The following RACK1 variants were observed in gnomAD, a reference collection of about 807,000 sequenced individuals.
The protein encoded by RACK1 is small ribosomal subunit protein RACK1.
In RACK1, 3 loss-of-function variants were observed where a neutral mutation model predicts 42.2. That is an observed-to-expected ratio of 0.07 (90% CI 0.03 to 0.18). The LOEUF (loss-of-function observed/expected upper bound fraction) is 0.18, where lower values mean the gene tolerates loss of function less well. Ranked by LOEUF, RACK1 falls within the 10% of genes least tolerant of loss-of-function variation. The probability of loss-of-function intolerance (pLI) is 1.00; values close to 1 mark genes in which losing one functional copy is unlikely to be tolerated. For missense variants in RACK1, 146 were observed against 403.2 expected (o/e 0.36, Z 5.46); for synonymous variants, 181 against 154.8 (o/e 1.17, Z -1.25).
At position 181,236,982 on chromosome 5, in the gene RACK1, G is replaced by T. The variant is rs759561448; in HGVS notation, c.949C>A (p.Arg317Ser). 6.2e-7 allele frequency: 1 copy of T among 1,612,888 alleles called. No homozygotes were observed. The highest frequency in any genetic ancestry group is 8.5e-7 in the Non-Finnish European group (1 of 1,179,686). Residue 317 changes from arginine (R) to serine (S), a missense_variant, in exon 8 of 8, where the codon CGC (arginine) becomes AGC (serine). Coordinates refer to ENST00000512805, the MANE Select transcript of RACK1 (RefSeq NM_006098.5). ...VRVWQVTIGT[R>S] ...TAAAGCTCTGCCATAAACTTCTAGCGTGTGCCAATGGTCACCTGCCACACT... is the reference window on the plus strand; with the variant it reads ...TAAAGCTCTGCCATAAACTTCTAGCTTGTGCCAATGGTCACCTGCCACACT...
chr5:181,242,293 A>G lies in RACK1; in HGVS notation c.162T>C (p.Ile54=). Residue 54 remains isoleucine (I), a synonymous_variant, in exon 2 of 8, where the codon ATT becomes ATC. Coordinates refer to ENST00000512805, the MANE Select transcript of RACK1 (RefSeq NM_006098.5). ...KLTRDETNYG[I]PQRALRGHSH... ...AGTGACCCCGCAGAGCACGCTGTGG[A>G]ATTCCATAGTTGGTCTCATCCCTGG... 1 of 1,613,996 alleles carries G rather than the reference A, an allele frequency of 6.2e-7. No individual in the cohort carries two copies. Among genetic ancestry groups the G allele is most frequent in the Non-Finnish European group, 8.5e-7 (1 of 1,179,832 alleles).
chr5:181,239,675 C>G, intron 3 of RACK1, 93 bp from the exon 4 acceptor site: 1 of 747,418 alleles, frequency 1.3e-6, no homozygotes, highest in East Asian at 2.5e-5. Context: ...TGATGGCTGG[C>G]AGCACCTTTC....
At chr5:181,237,194 T>C in intron 7 of RACK1, 152 bp from the exon 8 acceptor site, 1 of 1,419,926 alleles carries the variant, frequency 7.0e-7, no homozygotes, top group Non-Finnish European at 9.7e-7. Context: ...ACTACAGCCT[T>C]AAGCCCCTGC....
intron 7 of RACK1, 183 bp from the exon 8 acceptor site, chr5:181,237,225 C>A: frequency 8.4e-7 from 1 of 1,195,456 alleles, no homozygotes; most frequent in Non-Finnish European, 1.2e-6. Context: ...ATCCTCCCAC[C>A]TCAGCCTCCA....
intron 7 of RACK1, 74 bp downstream of exon 7, chr5:181,237,535 C>A: frequency 1.2e-6 from 1 of 840,112 alleles, no homozygotes; most frequent in Non-Finnish European, 2.1e-6. Context: ...GTCTGACAGA[C>A]TAGATATACT....
chr5:181,238,052 G>A (rs760261932), intron 6 of RACK1, 47 bp downstream of exon 6: 12 of 1,602,698 alleles, frequency 7.5e-6, no homozygotes, highest in Non-Finnish European at 9.4e-6. Context: ...ACATTGCCAG[G>A]GCTCAGAGTG....
intron 7 of RACK1, 127 bp from the exon 8 acceptor site, chr5:181,237,169 G>A (rs1005985471): frequency 6.6e-6 from 10 of 1,525,218 alleles, no homozygotes; most frequent in Non-Finnish European, 8.0e-6. Context: ...GAGTGCAGGG[G>A]TGCGATCCTG....
intron 1 of RACK1, chr5:181,243,201 G>A (rs1245695968): frequency 1.7e-6 from 2 of 1,143,890 alleles, no homozygotes; most frequent in Non-Finnish European, 2.3e-6. Flanking sequence ...ACGCAGTCAG[G>A]AACACAGGGA....
chr5:181,243,387 C>T (rs1300701933), intron 1 of RACK1: 9 of 1,424,382 alleles, frequency 6.3e-6, no homozygotes, highest in African/African-American at 1.4e-5. Flanking sequence ...CCCGCCCGGC[C>T]CGTAGGCCCC....
chr5:181,238,288 T>C, intron 5 of RACK1, 49 bp from the exon 6 acceptor site: 1 of 1,583,892 alleles, frequency 6.3e-7, no homozygotes, highest in Non-Finnish European at 8.7e-7. Flanking sequence ...TTCCAGATGT[T>C]AATTCTGCCC....
chr5:181,238,031 T>C (rs1191719481), intron 6 of RACK1, 68 bp downstream of exon 6: 12 of 1,561,330 alleles, frequency 7.7e-6, no homozygotes, highest in Non-Finnish European at 1.1e-5. Context: ...ATGGCATATA[T>C]AATAACCAAA....
At position 181,243,873 on chromosome 5, in the gene RACK1, A is replaced by G; in HGVS notation, c.-73T>C. ...ATGGCTTAGAGAAACTAGCACCACA[A>G]CCTCTCCTGCCGCCGCCTTGCAGTG... On this transcript the variant is annotated 5_prime_UTR_variant, in exon 1 of 8. Coordinates refer to ENST00000512805, the MANE Select transcript of RACK1 (RefSeq NM_006098.5). 1 of 1,492,870 alleles carries G rather than the reference A, an allele frequency of 6.7e-7. No individual in the cohort carries two copies. Among genetic ancestry groups the G allele is most frequent in the South Asian group, 1.3e-5 (1 of 77,982 alleles). 92.5% of individuals were successfully genotyped at this position (1,492,870 alleles called of 1,614,324 possible). A position where few individuals can be genotyped will look rare whatever the true frequency, so the allele number is the denominator to read the frequency against.
intron 2 of RACK1, 95 bp from the exon 3 acceptor site, chr5:181,241,734 C>T (rs1582298097): frequency 7.6e-7 from 1 of 1,321,398 alleles, no homozygotes; most frequent in Non-Finnish European, 1.1e-6. Context: ...CTCATTGCAT[C>T]ACTCATACAA....
chr5:181,239,331 C>A lies in RACK1; in HGVS notation c.526-154G>T, dbSNP rs182302817. The A allele has an allele frequency of 3.1e-4, 239 of 761,638 alleles. No homozygotes were observed. In the African/African-American group the frequency reaches 3.7e-3, roughly 12 times the overall value. 47.2% of individuals were successfully genotyped at this position (761,638 alleles called of 1,614,324 possible). ...TTCACGTTAGATTATAACACATATC[C>A]AATGCAGTGTGCTGACTTACAAGGG... On this transcript the variant is annotated intron_variant, in intron 4 of 7. Transcript: ENST00000512805.
intron 6 of RACK1, 104 bp from the exon 7 acceptor site, chr5:181,237,823 T>C: frequency 1.3e-6 from 1 of 742,818 alleles, no homozygotes; most frequent in Non-Finnish European, 2.4e-6. Flanking sequence ...TTTTGCTCCC[T>C]GGGGTCCATG....
At chr5:181,239,617 T>C in intron 3 of RACK1, 35 bp from the exon 4 acceptor site, 4 of 1,387,730 alleles carry the variant, frequency 2.9e-6, no homozygotes, top group Non-Finnish European at 4.1e-6. Context: ...GGGCAAACAG[T>C]CCTATCCCAT....
At chr5:181,240,448 G>A (rs1396052969) in intron 3 of RACK1, 3 of 152,156 alleles carry the variant, frequency 2.0e-5, no homozygotes, top group African/African-American at 7.3e-5. Flanking sequence ...ATCACCTGAG[G>A]TCAGGAGTTT....
In RACK1 at chr5:181,236,961, G is replaced by C. The variant is rs1403910406; in HGVS notation, c.*16C>G. Reference sequence around the variant, plus strand: ...AGCCAGTTTTTTTTTTATTTGTAAAGCTCTGCCATAAACTTCTAGCGTGTG... The same window carrying C: ...AGCCAGTTTTTTTTTTATTTGTAAACCTCTGCCATAAACTTCTAGCGTGTG... On this transcript the variant is annotated 3_prime_UTR_variant, in exon 8 of 8. Coordinates refer to ENST00000512805, the MANE Select transcript of RACK1 (RefSeq NM_006098.5). 2 of 1,582,406 alleles carry C rather than the reference G, an allele frequency of 1.3e-6. No homozygotes were observed. The highest frequency in any genetic ancestry group is 1.2e-5 in the South Asian group (1 of 85,452).
intron 5 of RACK1, chr5:181,238,753 C>T (rs1194914413): frequency 1.8e-5 from 7 of 379,126 alleles, no homozygotes; most frequent in East Asian, 1.3e-4. Flanking sequence ...GAGCCGAGAT[C>T]GCGCCACTGC....
Sources: allele counts gnomAD v4.1 joint callset, GRCh38; gene constraint gnomAD v4.1.1; transcripts MANE v1.5; gene names NCBI Gene and HGNC (gene_info 2026-07-23, HGNC 2026-07-21).